The following ZC2HC1B variants were observed in gnomAD, a reference collection of about 807,000 sequenced individuals.
ZC2HC1B encodes the protein zinc finger C2HC domain-containing protein 1B.
In ZC2HC1B, 36 loss-of-function variants were observed where a neutral mutation model predicts 31.0. The ratio of observed to expected loss-of-function variants is 1.16; its 90% CI spans 0.89 to 1.54. The LOEUF (loss-of-function observed/expected upper bound fraction) is 1.54. Ranked by LOEUF, ZC2HC1B falls within the 40% of genes most tolerant of loss-of-function variation. ZC2HC1B has a pLI of 0.00. For synonymous variants in ZC2HC1B, 73 were observed against 88.0 expected, an observed-to-expected ratio of 0.83 and a Z score of 0.95; for missense variants, 260 against 268.6, an observed-to-expected ratio of 0.97 and a Z score of 0.22.
In ZC2HC1B at chr6:143,908,535, A is replaced by T. The variant is rs188472621; in HGVS notation, c.598+5383A>T. Among the ~76,000 whole-genome samples the T allele has an allele frequency of 1.3e-5, 2 of 152,114 alleles. No homozygotes were observed. The highest frequency in any genetic ancestry group is 3.9e-4 in the East Asian group (2 of 5,168). On this transcript the variant is annotated intron_variant, in intron 6 of 7. Coordinates refer to ENST00000237275, the MANE Select transcript of ZC2HC1B (RefSeq NM_001013623.3). This position sits in a 1 kb window ranked among gnomAD's most constrained non-coding sequence, Gnocchi z 4.4. The stretch of plus-strand genomic sequence containing the variant: ...TCCTGGGCATTTTATTCTTTCTGTG[A>T]CAATTGTGAATGGAGGTTCACTCAT...
intron 1 of ZC2HC1B, chr6:143,881,865 T>C (rs1409358051): frequency 6.6e-6 from 1 of 152,198 alleles, no homozygotes; most frequent in Non-Finnish European, 1.5e-5. Flanking sequence ...ATCCAAGTAT[T>C]GAATTGAATC....
At position 143,887,638 on chromosome 6, in the gene ZC2HC1B, T is replaced by A. The variant is rs1410531095; in HGVS notation, c.349+817T>A. Among the ~76,000 whole-genome samples, 2 of 152,184 alleles carry A rather than the reference T, an allele frequency of 1.3e-5. No homozygotes were observed. The highest frequency in any genetic ancestry group is 1.3e-4 in the Admixed American group (2 of 15,276). ...TTTATTAAATCTTGAACAATATCCC[T>A]ACCAGGCTATTCACCTTTTAGAATG... On this transcript the variant is annotated intron_variant, in intron 4 of 7. Transcript: ENST00000237275. This position sits in a 1 kb window ranked among gnomAD's most constrained non-coding sequence, Gnocchi z 5.1.
intron 4 of ZC2HC1B, among the ~76,000 whole-genome samples, chr6:143,894,091 A>G (rs541649730): frequency 6.6e-6 from 1 of 152,362 alleles, no homozygotes; most frequent in South Asian, 2.1e-4. Context: ...AAAAAGATTT[A>G]CATGATTGTT....
At chr6:143,902,955 G>T in intron 5 of ZC2HC1B, 89 bp from the exon 6 acceptor site, 1 of 1,223,074 alleles carries the variant, frequency 8.2e-7, no homozygotes, top group Non-Finnish European at 1.2e-6. Context: ...TCTGCTGCTG[G>T]TTAAGTGGGA....
chr6:143,876,090 C>T lies in ZC2HC1B; in HGVS notation c.29-8214C>T, dbSNP rs536594224. ...GCATGCACCTTTCATTGCAGGTCAG[C>T]CACTTGCATGATAAGAGCTTGTATC... On this transcript the variant is annotated intron_variant, in intron 1 of 7. Transcript: ENST00000237275. 9.9e-5 allele frequency among the ~76,000 whole-genome samples: 15 copies of T among 150,792 alleles called. 1 individual carries two copies. The highest frequency in any genetic ancestry group is 6.8e-3 in the Middle Eastern group (2 of 294).
intron 6 of ZC2HC1B, among the ~76,000 whole-genome samples, chr6:143,932,884 G>A (rs73588636): frequency 0.043 from 6,594 of 152,206 alleles, 351 homozygotes; most frequent in African/African-American, 0.12. Flanking sequence ...CCTTTCCCTA[G>A]GAGCCAGATT....
rs545193844 is a variant in ZC2HC1B at position 143,875,430 on chromosome 6, A to G, written c.29-8874A>G. On this transcript the variant is annotated intron_variant, in intron 1 of 7. Coordinates refer to ENST00000237275, the MANE Select transcript of ZC2HC1B (RefSeq NM_001013623.3). ...CTCCCAGTGGGCCATCTTTTAATCC[A>G]TATTTCAGCTAACCAAGCAAATAAA... Among the ~76,000 whole-genome samples, 10 of 143,734 alleles carry G rather than the reference A, an allele frequency of 7.0e-5. No homozygotes were observed. The East Asian group carries it at 1.7e-3, about 25-fold the overall frequency. The allele number at this position is 143,734 out of a possible 152,430, so 94.3% of individuals were successfully genotyped here.
intron 6 of ZC2HC1B, among the ~76,000 whole-genome samples, chr6:143,932,846 G>A (rs1225637494): frequency 6.6e-6 from 1 of 152,176 alleles, no homozygotes; most frequent in Admixed American, 6.5e-5. Flanking sequence ...TTGTCCCACA[G>A]GGTGAACCCT....
In ZC2HC1B at chr6:143,886,572, C is replaced by T. The variant is rs1777531894; in HGVS notation, c.211-111C>T. 8.9e-7 allele frequency: 1 copy of T among 1,123,158 alleles called. No homozygotes were observed. Among genetic ancestry groups the T allele is most frequent in the Non-Finnish European group, 1.2e-6 (1 of 856,480 alleles). The allele number at this position is 1,123,158 out of a possible 1,614,324, so 69.6% of individuals were successfully genotyped here. ...CTTTTGAAAAACAAACTCTCCTTTT[C>T]CCCAATTTTCACAGTTCTGTTTCCT... On this transcript the variant is annotated intron_variant, in intron 3 of 7. Transcript: ENST00000237275. This position sits in a 1 kb window ranked among gnomAD's most constrained non-coding sequence, Gnocchi z 4.2.
intron 6 of ZC2HC1B, among the ~76,000 whole-genome samples, chr6:143,907,945 G>A (rs189863629): frequency 2.0e-5 from 3 of 152,258 alleles, no homozygotes; most frequent in African/African-American, 7.2e-5. Flanking sequence ...ATCTTGAGTT[G>A]ATTTTTGCAG....
rs142845550 is a variant in ZC2HC1B at position 143,936,525 on chromosome 6, G to A, written c.599-1124G>A. On this transcript the variant is annotated intron_variant, in intron 6 of 7. Transcript: ENST00000237275. ...CTAAAAGATTCTAATGTTCAGATGG[G>A]GAATGAGTGTATAGCCTAGTCAGCA... Among the ~76,000 whole-genome samples, 251 of 152,284 alleles carry A rather than the reference G, an allele frequency of 1.6e-3. 1 individual carries two copies. Among genetic ancestry groups the A allele is most frequent in the Non-Finnish European group, 2.4e-3 (166 of 68,030 alleles).
rs1777983204 is a variant in ZC2HC1B at position 143,921,159 on chromosome 6, T to C, written c.599-16490T>C. ...AAAACACTCTCCCAGTAATCTGCAC[T>C]GCTCACTCATTCACTTCCTTCAGTT... On this transcript the variant is annotated intron_variant, in intron 6 of 7. Transcript: ENST00000237275. The surrounding 1 kb of genome is among the most constrained non-coding windows in gnomAD (Gnocchi z 6.1). Among the ~76,000 whole-genome samples the C allele has an allele frequency of 6.6e-6, 1 of 152,196 alleles. No individual in the cohort carries two copies. Among genetic ancestry groups the C allele is most frequent in the African/African-American group, 2.4e-5 (1 of 41,450 alleles).
intron 4 of ZC2HC1B, among the ~76,000 whole-genome samples, chr6:143,894,967 T>C (rs1162725323): frequency 6.6e-6 from 1 of 152,234 alleles, no homozygotes; most frequent in Non-Finnish European, 1.5e-5. Flanking sequence ...TTTATTTTTC[T>C]TTGTATTTCT....
intron 1 of ZC2HC1B, among the ~76,000 whole-genome samples, chr6:143,866,318 A>T (rs746529946): frequency 4.6e-5 from 7 of 152,226 alleles, no homozygotes; most frequent in Admixed American, 1.3e-4. Context: ...ACTTGCTCAG[A>T]ATACTTTCCA....
rs942803863 is a variant in ZC2HC1B at position 143,908,046 on chromosome 6, A to G, written c.598+4894A>G. 6.6e-6 allele frequency among the ~76,000 whole-genome samples: 1 copy of G among 152,070 alleles called. No individual in the cohort carries two copies. The highest frequency in any genetic ancestry group is 2.4e-5 in the African/African-American group (1 of 41,406). On this transcript the variant is annotated intron_variant, in intron 6 of 7. Coordinates refer to ENST00000237275, the MANE Select transcript of ZC2HC1B (RefSeq NM_001013623.3). This position sits in a 1 kb window ranked among gnomAD's most constrained non-coding sequence, Gnocchi z 4.4. ...TTATTAAATAAAGAATTCTTTCCCCATTGCTTGTTTTTGTCAGGTTTGTTG... is the reference window on the plus strand; with the variant it reads ...TTATTAAATAAAGAATTCTTTCCCCGTTGCTTGTTTTTGTCAGGTTTGTTG...
At chr6:143,876,406 TCTA>T (rs978479110) in intron 1 of ZC2HC1B, among the ~76,000 whole-genome samples, 6 of 150,440 alleles carry the variant, frequency 4.0e-5, no homozygotes, top group African/African-American at 1.5e-4. Context: ...TGTGTAACTC[TCTA>T]AACAGTTCAT....
Position 143,899,931 on chromosome 6 carries a change from C to T in ZC2HC1B, c.489+1240C>T, listed in dbSNP as rs1261538233. On this transcript the variant is annotated intron_variant, in intron 5 of 7. Coordinates refer to ENST00000237275, the MANE Select transcript of ZC2HC1B (RefSeq NM_001013623.3). The surrounding 1 kb of genome is among the most constrained non-coding windows in gnomAD (Gnocchi z 5.0). ...AGGAGAGCTATGGAAGAAGAAGTCACTGCAATTCCTGGAAGTCTTCAAAGG... is the reference window on the plus strand; with the variant it reads ...AGGAGAGCTATGGAAGAAGAAGTCATTGCAATTCCTGGAAGTCTTCAAAGG... 1.3e-5 allele frequency among the ~76,000 whole-genome samples: 2 copies of T among 152,226 alleles called. No homozygotes were observed. The highest frequency in any genetic ancestry group is 4.8e-5 in the African/African-American group (2 of 41,464).
rs1280771874 is a variant in ZC2HC1B at position 143,872,395 on chromosome 6, A to T, written c.28+7828A>T. Among the ~76,000 whole-genome samples the T allele has an allele frequency of 6.6e-6, 1 of 152,242 alleles. No individual in the cohort carries two copies. The highest frequency in any genetic ancestry group is 1.5e-5 in the Non-Finnish European group (1 of 68,040). On this transcript the variant is annotated intron_variant, in intron 1 of 7. Coordinates refer to ENST00000237275, the MANE Select transcript of ZC2HC1B (RefSeq NM_001013623.3). The surrounding 1 kb of genome is among the most constrained non-coding windows in gnomAD (Gnocchi z 5.5). ...TGTGATTAGTCAGTGCCAGAGCTCT[A>T]TATGTGTCAGACTATTCTGATTGTT...
At chr6:143,898,228 C>G (rs1777692270) in intron 4 of ZC2HC1B, among the ~76,000 whole-genome samples, 2 of 152,170 alleles carry the variant, frequency 1.3e-5, no homozygotes, top group South Asian at 4.1e-4. Context: ...GTTGCCCAGG[C>G]TGGAGTGCTG....
Sources: allele counts gnomAD v4.1 joint callset (sites outside exome capture counted in the v4.1 genomes callset), GRCh38; gene constraint gnomAD v4.1.1; non-coding constraint Gnocchi (gnomAD v3.1); transcripts MANE v1.5; gene names NCBI Gene and HGNC (gene_info 2026-07-23, HGNC 2026-07-21).